Variants in SLC38A1 observed in about 807,000 individuals in gnomAD.
The protein encoded by SLC38A1 is solute carrier family 38 member 1.
Under a neutral mutation model 60.3 loss-of-function variants are expected in SLC38A1, and 18 were observed. That is an observed-to-expected ratio of 0.30 (90% CI 0.21 to 0.44). SLC38A1 has a LOEUF of 0.44. Among genes scored for constraint, SLC38A1 ranks in the 20% least tolerant of loss-of-function variants. SLC38A1 has a pLI of 1.00. For missense variants in SLC38A1, 448 were observed against 587.2 expected (o/e 0.76, Z 2.45); for synonymous variants, 196 against 212.1 (o/e 0.92, Z 0.66).
chr12:46,255,905 T>C (rs1230919480), intron 1 of SLC38A1, among the ~76,000 whole-genome samples: 2 of 152,208 alleles, frequency 1.3e-5, no homozygotes, highest in Non-Finnish European at 2.9e-5. Context: ...GGCTCAAGCC[T>C]GTAATCCCAC....
intron 16 of SLC38A1, among the ~76,000 whole-genome samples, chr12:46,195,259 CCAGCAAAGGCTG>C: frequency 6.6e-6 from 1 of 152,300 alleles, no homozygotes; most frequent in African/African-American, 2.4e-5. Flanking sequence ...CTGGGTATCA[CCAGCAAAGGCTG>C]CAGAATAGCA....
At chr12:46,251,457 A>C (rs1026646798) in intron 1 of SLC38A1, among the ~76,000 whole-genome samples, 15 of 152,204 alleles carry the variant, frequency 9.9e-5, no homozygotes, top group African/African-American at 1.4e-4. Flanking sequence ...TGACTAAAAC[A>C]CCAAAAGCAA....
intron 1 of SLC38A1, among the ~76,000 whole-genome samples, chr12:46,259,055 A>T (rs904788834): frequency 1.3e-5 from 2 of 152,242 alleles, no homozygotes; most frequent in Non-Finnish European, 2.9e-5. Flanking sequence ...CTTGCCACAA[A>T]AAAGAAGTGA....
chr12:46,201,700 G>C (rs1489545351), intron 12 of SLC38A1, among the ~76,000 whole-genome samples: 1 of 151,870 alleles, frequency 6.6e-6, no homozygotes, highest in Non-Finnish European at 1.5e-5. Context: ...GTGCCCAAGA[G>C]ATCACAGCTG....
chr12:46,238,703 C>T (rs1326431174), intron 3 of SLC38A1, among the ~76,000 whole-genome samples: 1 of 152,118 alleles, frequency 6.6e-6, no homozygotes, highest in African/African-American at 2.4e-5. Flanking sequence ...GTGATGTAAG[C>T]AATAAAGACC....
intron 5 of SLC38A1, among the ~76,000 whole-genome samples, chr12:46,215,818 A>G (rs1424277325): frequency 1.3e-5 from 2 of 152,152 alleles, no homozygotes; most frequent in African/African-American, 4.8e-5. Context: ...ACTATCCTCA[A>G]TTAAACAAGC....
chr12:46,222,948 G>A (rs1290883815), intron 5 of SLC38A1, among the ~76,000 whole-genome samples: 1 of 152,180 alleles, frequency 6.6e-6, no homozygotes, highest in African/African-American at 2.4e-5. Flanking sequence ...ATGGTTATTG[G>A]TGGAACACTA....
chr12:46,234,429 T>C (rs1490041116), intron 3 of SLC38A1, among the ~76,000 whole-genome samples: 2 of 151,146 alleles, frequency 1.3e-5, no homozygotes, highest in Non-Finnish European at 2.9e-5. Flanking sequence ...GCTTTGTATT[T>C]CTTTTTTTCT....
chr12:46,242,270 A>T (rs964671205), intron 2 of SLC38A1, among the ~76,000 whole-genome samples: 4 of 152,212 alleles, frequency 2.6e-5, no homozygotes, highest in African/African-American at 7.2e-5. Context: ...ATGGAAATTG[A>T]AGAGAAAAAT....
chr12:46,237,410 T>A (rs1459430615), intron 3 of SLC38A1, among the ~76,000 whole-genome samples: 3 of 152,058 alleles, frequency 2.0e-5, no homozygotes, highest in Non-Finnish European at 4.4e-5. Context: ...TGCTATAACA[T>A]GTTGTTTTTA....
intron 1 of SLC38A1, among the ~76,000 whole-genome samples, chr12:46,263,230 A>C (rs138166728): frequency 2.4e-4 from 37 of 152,304 alleles, no homozygotes; most frequent in African/African-American, 8.4e-4. Flanking sequence ...AGCCAATGTT[A>C]AGATCCCCAG....
chr12:46,239,614 A>T, intron 3 of SLC38A1, 65 bp downstream of exon 3: 1 of 1,587,942 alleles, frequency 6.3e-7, no homozygotes, highest in Non-Finnish European at 8.6e-7. Context: ...AAGTGATGGG[A>T]TTACAGGTGT....
At chr12:46,205,122 G>C (rs1019487896) in intron 9 of SLC38A1, among the ~76,000 whole-genome samples, 2 of 152,156 alleles carry the variant, frequency 1.3e-5, no homozygotes, top group African/African-American at 4.8e-5. Flanking sequence ...GCTCCCCTTA[G>C]AATGCCTGGG....
At chr12:46,236,120 A>G (rs1254868746) in intron 3 of SLC38A1, among the ~76,000 whole-genome samples, 1 of 152,218 alleles carries the variant, frequency 6.6e-6, no homozygotes, top group African/African-American at 2.4e-5. Context: ...GAATTTCCTC[A>G]TTTATTTTCA....
At chr12:46,235,662 G>C (rs1223807562) in intron 3 of SLC38A1, among the ~76,000 whole-genome samples, 1 of 152,164 alleles carries the variant, frequency 6.6e-6, no homozygotes, top group Non-Finnish European at 1.5e-5. Flanking sequence ...AAACATAGAA[G>C]AAGAGGGATA....
chr12:46,211,796 T>C (rs1251016359), intron 5 of SLC38A1, among the ~76,000 whole-genome samples: 1 of 152,198 alleles, frequency 6.6e-6, no homozygotes, highest in East Asian at 1.9e-4. Context: ...CCCAGAGTAC[T>C]TAGAGTCTGA....
At chr12:46,203,162 G>A (rs893916348) in intron 11 of SLC38A1, 73 bp from the exon 12 acceptor site, 5 of 1,266,820 alleles carry the variant, frequency 3.9e-6, no homozygotes, top group Admixed American at 3.7e-5. Context: ...CAGTATTTCT[G>A]AGCTGTCTTT....
At chr12:46,203,200 G>C in intron 11 of SLC38A1, 111 bp from the exon 12 acceptor site, 1 of 877,658 alleles carries the variant, frequency 1.1e-6, no homozygotes, top group Non-Finnish European at 1.8e-6. Context: ...AGAATCCCTG[G>C]ATTATTCGGT....
intron 1 of SLC38A1, among the ~76,000 whole-genome samples, chr12:46,267,874 A>G (rs1196548812): frequency 5.9e-5 from 9 of 152,134 alleles, no homozygotes; most frequent in Non-Finnish European, 1.2e-4. Flanking sequence ...ATTTTAGAAA[A>G]TCCTCTTCAG....
Sources: allele counts gnomAD v4.1 joint callset (sites outside exome capture counted in the v4.1 genomes callset), GRCh38; gene constraint gnomAD v4.1.1; transcripts MANE v1.5; gene names NCBI Gene and HGNC (gene_info 2026-07-23, HGNC 2026-07-21).